Variants in NKAIN3 observed in about 807,000 individuals in gnomAD.
NKAIN3 encodes the protein sodium/potassium transporting ATPase interacting 3.
A neutral mutation model predicts 30.2 loss-of-function variants in NKAIN3; 25 were observed. That is an observed-to-expected ratio of 0.83 (90% confidence interval 0.60 to 1.16). The LOEUF (loss-of-function observed/expected upper bound fraction) is 1.16, where lower values mean the gene tolerates loss of function less well. NKAIN3 is among the 50% of genes most tolerant of loss of function. The pLI is 0.00. For synonymous variants in NKAIN3, 91 were observed against 89.6 expected, an observed-to-expected ratio of 1.02 and a Z score of -0.09; for missense variants, 225 against 254.1, an observed-to-expected ratio of 0.89 and a Z score of 0.78.
chr8:62,835,196 A>G (rs1263715071), intron 4 of NKAIN3, among the ~76,000 whole-genome samples: 2 of 152,146 alleles, frequency 1.3e-5, no homozygotes, highest in Non-Finnish European at 2.9e-5. Flanking sequence ...TCTTATATGT[A>G]AGACCTTAAC....
intron 3 of NKAIN3, among the ~76,000 whole-genome samples, chr8:62,736,781 C>T (rs191023799): frequency 2.0e-5 from 3 of 152,190 alleles, no homozygotes; most frequent in African/African-American, 7.2e-5. Context: ...TTCCTTCTCC[C>T]TGTAGTCTTT....
At chr8:62,704,508 C>G (rs13439148) in intron 3 of NKAIN3, among the ~76,000 whole-genome samples, 1 of 152,066 alleles carries the variant, frequency 6.6e-6, no homozygotes, top group African/African-American at 2.4e-5. Context: ...TTTACTCAAA[C>G]GTCTAACAAT....
intron 1 of NKAIN3, 83 bp from the exon 2 acceptor site, chr8:62,579,456 A>T (rs1172252304): frequency 1.9e-6 from 2 of 1,045,344 alleles, no homozygotes; most frequent in Admixed American, 5.4e-5. Context: ...GAATATGCAG[A>T]CTCCTCCAGC....
At chr8:62,556,487 A>G (rs562049347) in intron 1 of NKAIN3, among the ~76,000 whole-genome samples, 2 of 151,886 alleles carry the variant, frequency 1.3e-5, no homozygotes, top group Non-Finnish European at 2.9e-5. Context: ...ATCACAACTC[A>G]ATAAATGTAA....
intron 5 of NKAIN3, among the ~76,000 whole-genome samples, chr8:62,945,988 A>G (rs1024790933): frequency 6.6e-6 from 1 of 152,206 alleles, no homozygotes; most frequent in African/African-American, 2.4e-5. Flanking sequence ...AAACTCTGAT[A>G]TGGACAATGC....
chr8:62,773,979 A>G (rs892957569), intron 4 of NKAIN3, among the ~76,000 whole-genome samples: 1 of 152,308 alleles, frequency 6.6e-6, no homozygotes, highest in East Asian at 1.9e-4. Flanking sequence ...ATTGTATTGA[A>G]TCTGTAGACT....
chr8:62,858,758 C>T (rs1397361940), intron 4 of NKAIN3, among the ~76,000 whole-genome samples: 2 of 152,216 alleles, frequency 1.3e-5, no homozygotes, highest in Non-Finnish European at 2.9e-5. Context: ...GCCTGCCCCT[C>T]CCCTCAGGGC....
chr8:62,672,956 G>A (rs927460241), intron 3 of NKAIN3, among the ~76,000 whole-genome samples: 1 of 152,064 alleles, frequency 6.6e-6, no homozygotes, highest in African/African-American at 2.4e-5. Context: ...TACCTGTTGG[G>A]TATCTACTAT....
At chr8:62,886,595 G>A (rs570556745) in intron 4 of NKAIN3, among the ~76,000 whole-genome samples, 30 of 151,814 alleles carry the variant, frequency 2.0e-4, no homozygotes, top group Non-Finnish European at 3.7e-4. Flanking sequence ...CAGTTTAAAG[G>A]GATAATTTCA....
At chr8:62,486,387 C>G (rs1399800135) in intron 1 of NKAIN3, among the ~76,000 whole-genome samples, 2 of 151,772 alleles carry the variant, frequency 1.3e-5, no homozygotes, top group African/African-American at 4.9e-5. Context: ...TTAGCTCAGA[C>G]TCACAGGATT....
chr8:62,354,112 C>T (rs1816271004), intron 1 of NKAIN3, among the ~76,000 whole-genome samples: 1 of 152,136 alleles, frequency 6.6e-6, no homozygotes, highest in African/African-American at 2.4e-5. Context: ...CCATGAATAT[C>T]TCAAAGCTTT....
intron 4 of NKAIN3, among the ~76,000 whole-genome samples, chr8:62,895,835 A>C (rs1000212782): frequency 3.9e-5 from 6 of 152,040 alleles, no homozygotes; most frequent in African/African-American, 1.4e-4. Context: ...ATTCAACTCC[A>C]GCTAACTCCC....
At chr8:62,381,266 G>T (rs529128674) in intron 1 of NKAIN3, among the ~76,000 whole-genome samples, 7 of 152,076 alleles carry the variant, frequency 4.6e-5, no homozygotes, top group Non-Finnish European at 8.8e-5. Context: ...TTTGTATGAA[G>T]ACGTTTTAAA....
chr8:62,249,072 C>T lies in NKAIN3; in HGVS notation c.-2C>T, dbSNP rs893994056. On this transcript the variant is annotated 5_prime_UTR_variant, in exon 1 of 7. Coordinates refer to ENST00000623646, the MANE Select transcript of NKAIN3 (RefSeq NM_001304533.3). The stretch of plus-strand genomic sequence containing the variant: ...CAGCGCCGCTCGGACGCCGCCGGCA[C>T]CATGGGCTGCTGCACCGGACGCTGC... 6 of 1,536,594 alleles carry T rather than the reference C, an allele frequency of 3.9e-6. No individual in the cohort carries two copies. Among genetic ancestry groups the T allele is most frequent in the Non-Finnish European group, 5.2e-6 (6 of 1,143,448 alleles).
intron 5 of NKAIN3, among the ~76,000 whole-genome samples, chr8:62,934,121 G>A (rs1279617008): frequency 6.6e-6 from 1 of 152,116 alleles, no homozygotes; most frequent in Non-Finnish European, 1.5e-5. Flanking sequence ...GTGGTGACAC[G>A]CACCTGTAAT....
At chr8:62,389,701 A>G (rs548715630) in intron 1 of NKAIN3, among the ~76,000 whole-genome samples, 9 of 152,306 alleles carry the variant, frequency 5.9e-5, no homozygotes, top group Admixed American at 2.6e-4. Context: ...GGATGATTCA[A>G]TGTTTCTGCA....
At chr8:62,865,322 A>G (rs948568801) in intron 4 of NKAIN3, among the ~76,000 whole-genome samples, 12 of 152,244 alleles carry the variant, frequency 7.9e-5, no homozygotes, top group Non-Finnish European at 1.5e-4. Context: ...AATTCTACCA[A>G]TACTGCATTC....
chr8:62,471,361 G>C (rs775937610), intron 1 of NKAIN3, among the ~76,000 whole-genome samples: 9 of 151,860 alleles, frequency 5.9e-5, no homozygotes, highest in Admixed American at 5.2e-4. Context: ...TTTGATCCTG[G>C]TGATGATAAT....
chr8:62,916,074 C>T (rs1262191033), intron 4 of NKAIN3, among the ~76,000 whole-genome samples: 1 of 152,092 alleles, frequency 6.6e-6, no homozygotes, highest in Non-Finnish European at 1.5e-5. Flanking sequence ...CATTGTCAGT[C>T]ACTGCTGTGA....
Sources: gnomAD v4.1 joint callset for allele counts (sites outside exome capture counted in the v4.1 genomes callset) on GRCh38, gnomAD v4.1.1 for gene constraint, MANE v1.5 for transcripts, NCBI Gene and HGNC (gene_info 2026-07-23, HGNC 2026-07-21) for gene names.